The following CEP63 variants were observed in gnomAD, a reference collection of about 807,000 sequenced individuals.
CEP63 encodes centrosomal protein of 63 kDa.
In CEP63, 84 loss-of-function variants were observed where a neutral mutation model predicts 89.1. The ratio of observed to expected loss-of-function variants is 0.94; its 90% CI spans 0.79 to 1.13. CEP63 has a LOEUF of 1.13. CEP63 is among the 50% of genes most tolerant of loss of function. CEP63 has a pLI of 0.00. For synonymous variants in CEP63, 267 were observed against 272.5 expected (o/e 0.98, Z 0.20); for missense variants, 838 against 813.3 (o/e 1.03, Z -0.37).
intron 6 of CEP63, among the ~76,000 whole-genome samples, chr3:134,544,531 A>G (rs1952768591): frequency 6.6e-6 from 1 of 151,580 alleles, no homozygotes; most frequent in African/African-American, 2.4e-5. Context: ...AAAGACCACA[A>G]TTTCCCCATT....
At chr3:134,529,596 C>G (rs1259253862) in intron 3 of CEP63, among the ~76,000 whole-genome samples, 2 of 152,144 alleles carry the variant, frequency 1.3e-5, no homozygotes, top group Non-Finnish European at 2.9e-5. Context: ...CTGCCTTGGC[C>G]TCCCAAAGTG....
chr3:134,736,579 G>T, the CEP63 span, among the ~76,000 whole-genome samples: 2 of 152,072 alleles, frequency 1.3e-5, no homozygotes, highest in African/African-American at 2.4e-5. Flanking sequence ...AAAATGTAAG[G>T]TATAAAAGAA....
chr3:134,678,553 A>G, the CEP63 span, among the ~76,000 whole-genome samples: 1 of 151,810 alleles, frequency 6.6e-6, no homozygotes, highest in African/African-American at 2.4e-5. Context: ...AACAGCTAAC[A>G]CTCTCCAGCC....
At chr3:134,516,335 A>G (rs1946208811) in intron 3 of CEP63, among the ~76,000 whole-genome samples, 1 of 152,300 alleles carries the variant, frequency 6.6e-6, no homozygotes, top group Middle Eastern at 3.4e-3. Context: ...GTTTTCCCCT[A>G]TCTCAGTTGA....
chr3:134,609,458 A>G, the CEP63 span, among the ~76,000 whole-genome samples: 60 of 152,300 alleles, frequency 3.9e-4, no homozygotes, highest in African/African-American at 1.3e-3. Flanking sequence ...GTGTGTGCAC[A>G]TGGCTTGTAT....
downstream of CEP63, among the ~76,000 whole-genome samples, chr3:134,576,065 A>C (rs1377168626): frequency 1.3e-5 from 2 of 152,202 alleles, no homozygotes; most frequent in Non-Finnish European, 2.9e-5. Context: ...AATTCTCTCC[A>C]GTTTACCCCA....
the CEP63 span, among the ~76,000 whole-genome samples, chr3:134,707,738 TC>T: frequency 8.7e-4 from 60 of 68,702 alleles, no homozygotes; most frequent in Middle Eastern, 6.9e-3. Flanking sequence ...TTGATTCTTT[TC>T]TTTTTTTTTT....
intron 6 of CEP63, among the ~76,000 whole-genome samples, chr3:134,540,780 T>TTTTTG (rs1411392656): frequency 3.3e-5 from 5 of 151,756 alleles, no homozygotes; most frequent in African/African-American, 1.2e-4. Flanking sequence ...TTTTTTTTTT[T>TTTTTG]TTAAATCTTA....
At chr3:134,612,935 A>G in the CEP63 span, 1 of 152,416 alleles carries the variant, frequency 6.6e-6, no homozygotes, top group African/African-American at 2.4e-5. Flanking sequence ...TAAATTTTTA[A>G]TAATGATTAT....
chr3:134,520,321 A>C (rs552508019), intron 3 of CEP63, among the ~76,000 whole-genome samples: 6 of 152,326 alleles, frequency 3.9e-5, no homozygotes, highest in Non-Finnish European at 8.8e-5. Flanking sequence ...TACCCTTGAC[A>C]AGAGTATCAA....
the CEP63 span, among the ~76,000 whole-genome samples, chr3:134,618,753 C>A: frequency 1.4e-4 from 21 of 152,148 alleles, no homozygotes; most frequent in African/African-American, 4.8e-4. Context: ...TTGTTTCCCC[C>A]AAAAGAGGCT....
intron 3 of CEP63, among the ~76,000 whole-genome samples, chr3:134,524,421 T>C (rs1438618478): frequency 6.6e-6 from 1 of 152,198 alleles, no homozygotes. Flanking sequence ...TCTAAAACTA[T>C]GTTGAATAGG....
the CEP63 span, among the ~76,000 whole-genome samples, chr3:134,628,330 C>T: frequency 2.6e-5 from 4 of 152,068 alleles, no homozygotes; most frequent in South Asian, 2.1e-4. Flanking sequence ...AATCTAAGAC[C>T]GTAAAGGCAG....
chr3:134,710,450 A>T, the CEP63 span, among the ~76,000 whole-genome samples: 2 of 152,188 alleles, frequency 1.3e-5, no homozygotes, highest in East Asian at 3.8e-4. Context: ...GTTCCGGTGG[A>T]ATCTCTTGGA....
the CEP63 span, among the ~76,000 whole-genome samples, chr3:134,646,691 A>G: frequency 6.6e-6 from 1 of 152,126 alleles, no homozygotes; most frequent in Admixed American, 6.6e-5. Flanking sequence ...TGGTTCCTTT[A>G]CACTGGCATT....
At chr3:134,515,302 A>T (rs1379004116) in intron 3 of CEP63, among the ~76,000 whole-genome samples, 1 of 152,236 alleles carries the variant, frequency 6.6e-6, no homozygotes, top group African/African-American at 2.4e-5. Context: ...TACAAATATT[A>T]TGTAACAAGA....
At chr3:134,530,396 A>T (rs1949637439) in intron 3 of CEP63, among the ~76,000 whole-genome samples, 1 of 152,046 alleles carries the variant, frequency 6.6e-6, no homozygotes, top group Non-Finnish European at 1.5e-5. Flanking sequence ...TTTATTGGAC[A>T]TTTATATTTT....
At chr3:134,588,716 A>C (rs1435295575), downstream of CEP63, among the ~76,000 whole-genome samples, 1 of 152,228 alleles carries the variant, frequency 6.6e-6, no homozygotes, top group Non-Finnish European at 1.5e-5. Flanking sequence ...AGACATAAGG[A>C]GTAGCAATTA....
intron 14 of CEP63, among the ~76,000 whole-genome samples, 173 bp downstream of exon 14, chr3:134,559,602 C>T (rs756009374): frequency 1.3e-5 from 2 of 152,096 alleles, no homozygotes; most frequent in African/African-American, 2.4e-5. Flanking sequence ...AAGACACTTT[C>T]GGCCAAGACT....
Sources: allele counts gnomAD v4.1 joint callset (sites outside exome capture counted in the v4.1 genomes callset), GRCh38; gene constraint gnomAD v4.1.1; transcripts MANE v1.5; gene names NCBI Gene and HGNC (gene_info 2026-07-23, HGNC 2026-07-21).